The following ZDHHC21 variants were observed in gnomAD, a reference collection of about 807,000 sequenced individuals.
ZDHHC21 encodes zDHHC palmitoyltransferase 21.
Under a neutral mutation model 34.6 loss-of-function variants are expected in ZDHHC21, and 15 were observed. The ratio of observed to expected loss-of-function variants is 0.43; its 90% CI spans 0.29 to 0.67. The LOEUF is 0.67. ZDHHC21 is among the 30% of genes least tolerant of loss of function. ZDHHC21 has a pLI of 0.14. For missense variants in ZDHHC21, 344 were observed against 327.7 expected, an observed-to-expected ratio of 1.05 and a Z score of -0.38; for synonymous variants, 142 against 101.8, an observed-to-expected ratio of 1.40 and a Z score of -2.38.
downstream of ZDHHC21, among the ~76,000 whole-genome samples, chr9:14,607,365 C>T (rs1158643201): frequency 2.0e-5 from 3 of 152,120 alleles, no homozygotes; most frequent in African/African-American, 7.2e-5. Flanking sequence ...GATTGTGCCA[C>T]TGCACTCCAG....
chr9:14,661,882 C>T (rs965756891), intron 6 of ZDHHC21, among the ~76,000 whole-genome samples: 5 of 152,138 alleles, frequency 3.3e-5, no homozygotes, highest in Non-Finnish European at 7.4e-5. Context: ...GAAATAGCTA[C>T]CATTTAAGTA....
chr9:14,629,232 A>G (rs1826874259), intron 8 of ZDHHC21, among the ~76,000 whole-genome samples: 1 of 152,206 alleles, frequency 6.6e-6, no homozygotes, highest in African/African-American at 2.4e-5. Context: ...AAAGAGATGA[A>G]ACTTTTGGAG....
intron 9 of ZDHHC21, 136 bp from the exon 10 acceptor site, chr9:14,619,234 C>T: frequency 2.0e-6 from 2 of 978,136 alleles, no homozygotes; most frequent in East Asian, 5.7e-5. Flanking sequence ...TACAGCTTTT[C>T]TTTCATTATG....
rs76992025 is a variant in ZDHHC21, at chr9:14,672,734, G to T, written c.253+96C>A. The T allele has an allele frequency of 1.8e-3, 1,407 of 795,940 alleles. 20 individuals are homozygous for T. In the African/African-American group the frequency reaches 0.021, roughly 12 times the overall value. The allele number at this position is 795,940 out of a possible 1,614,324, so 49.3% of individuals were successfully genotyped here. A position where few individuals can be genotyped will look rare whatever the true frequency, so the allele number is the denominator to read the frequency against. On this transcript the variant is annotated intron_variant, in intron 5 of 9. Transcript: ENST00000380916. The stretch of plus-strand genomic sequence containing the variant: ...CAAAGACATCAAAGTGGTGTTAGAT[G>T]ACATTTATAACCAATATATATTAAA...
chr9:14,625,534 T>C (rs1300082930), intron 8 of ZDHHC21, among the ~76,000 whole-genome samples: 1 of 152,016 alleles, frequency 6.6e-6, no homozygotes, highest in East Asian at 1.9e-4. Context: ...CATTTCCAAA[T>C]AATAACGCTT....
the ZDHHC21 span, chr9:14,593,978 A>C: frequency 6.6e-6 from 1 of 152,218 alleles, no homozygotes; most frequent in Non-Finnish European, 1.5e-5. Context: ...AACAGGGCCT[A>C]GTTTCTGAAC....
Position 14,613,525 on chromosome 9 carries a change from G to A in ZDHHC21, c.*5441C>T, listed in dbSNP as rs956079294. 7.2e-5 allele frequency: 11 copies of A among 151,726 alleles called. No homozygotes were observed. The highest frequency in any genetic ancestry group is 2.4e-4 in the African/African-American group (10 of 41,386). The allele number at this position is 151,726 out of a possible 1,614,324, so 9.4% of individuals were successfully genotyped here. A position where few individuals can be genotyped will look rare whatever the true frequency, so the allele number is the denominator to read the frequency against. On this transcript the variant is annotated 3_prime_UTR_variant, in exon 10 of 10. Transcript: ENST00000380916. ...AACCCTGTATTTGGTCAAACAGGCAGGCAAAGCCACAAAAAAGCCCACAAC... is the reference window on the plus strand; with the variant it reads ...AACCCTGTATTTGGTCAAACAGGCAAGCAAAGCCACAAAAAAGCCCACAAC...
intron 8 of ZDHHC21, among the ~76,000 whole-genome samples, chr9:14,620,791 A>T (rs1825171653): frequency 1.3e-5 from 2 of 152,088 alleles, no homozygotes; most frequent in African/African-American, 4.8e-5. Flanking sequence ...TCTATTTTTA[A>T]GATAACTAAT....
In ZDHHC21 at chr9:14,616,528, G is replaced by A. The variant is rs1396823332; in HGVS notation, c.*2438C>T. ...GGCTATACTATTTACTTATGGGGCA[G>A]TAAATCTTTAGAGCCAGTATAATTA... is the stretch of plus-strand genomic sequence containing the variant. On this transcript the variant is annotated 3_prime_UTR_variant, in exon 10 of 10. Transcript: ENST00000380916. 1 of 151,734 alleles carries A rather than the reference G, an allele frequency of 6.6e-6. No individual in the cohort carries two copies. The highest frequency in any genetic ancestry group is 1.5e-5 in the Non-Finnish European group (1 of 67,782). The allele number at this position is 151,734 out of a possible 1,614,324, so 9.4% of individuals were successfully genotyped here. A position where few individuals can be genotyped will look rare whatever the true frequency, so the allele number is the denominator to read the frequency against.
intron 5 of ZDHHC21, among the ~76,000 whole-genome samples, chr9:14,665,389 G>C (rs910466683): frequency 7.0e-6 from 1 of 142,756 alleles, no homozygotes; most frequent in Non-Finnish European, 1.5e-5. Context: ...ACCTGAAAGT[G>C]ATGGGGAGAA....
chr9:14,673,129 A>T (rs1835777278), intron 4 of ZDHHC21, among the ~76,000 whole-genome samples: 1 of 152,056 alleles, frequency 6.6e-6, no homozygotes, highest in Non-Finnish European at 1.5e-5. Flanking sequence ...AATTTTAATC[A>T]TTACTAATTT....
At chr9:14,609,151 T>C (rs976869358), downstream of ZDHHC21, among the ~76,000 whole-genome samples, 1 of 142,536 alleles carries the variant, frequency 7.0e-6, no homozygotes, top group Non-Finnish European at 1.5e-5. Flanking sequence ...TGACAAGCCA[T>C]TTTCACTTAA....
intron 8 of ZDHHC21, among the ~76,000 whole-genome samples, chr9:14,631,133 G>A (rs1421159038): frequency 6.6e-6 from 1 of 152,184 alleles, no homozygotes; most frequent in Non-Finnish European, 1.5e-5. Context: ...TCCAATAGAA[G>A]GCTGTTTTGT....
Position 14,674,456 on chromosome 9 carries a change from CT to C in ZDHHC21, c.-45-72del, listed in dbSNP as rs112857758. ...TGACTAAAACCTGTATTTCTGGCAA[CT>C]TTTATAAAATGACATTGAGTTTTCT... On this transcript the variant is annotated intron_variant, in intron 3 of 9. Coordinates refer to ENST00000380916, the MANE Select transcript of ZDHHC21 (RefSeq NM_178566.6). 1,997 of 951,296 alleles carry C rather than the reference CT, an allele frequency of 2.1e-3. 27 individuals carry two copies. The African/African-American group carries it at 0.03, about 14-fold the overall frequency. 58.9% of individuals were successfully genotyped at this position (951,296 alleles called of 1,614,324 possible). A position where few individuals can be genotyped will look rare whatever the true frequency, so the allele number is the denominator to read the frequency against.
chr9:14,629,502 AG>A (rs1826931858), intron 8 of ZDHHC21, among the ~76,000 whole-genome samples: 1 of 152,210 alleles, frequency 6.6e-6, no homozygotes, highest in African/African-American at 2.4e-5. Flanking sequence ...TAAAGCCGGT[AG>A]CAAAAATTTT....
chr9:14,663,198 T>A (rs771642915), intron 5 of ZDHHC21, among the ~76,000 whole-genome samples: 1 of 152,196 alleles, frequency 6.6e-6, no homozygotes, highest in East Asian at 1.9e-4. Flanking sequence ...CAAAAATGTA[T>A]CTTTTAAATA....
chr9:14,643,485 T>C (rs1829758780), intron 7 of ZDHHC21, among the ~76,000 whole-genome samples: 2 of 152,202 alleles, frequency 1.3e-5, no homozygotes, highest in South Asian at 4.1e-4. Context: ...ATTCACTCTC[T>C]TGATGGCACC....
At chr9:14,637,200 G>A (rs550519654) in intron 8 of ZDHHC21, among the ~76,000 whole-genome samples, 67 of 151,908 alleles carry the variant, frequency 4.4e-4, no homozygotes, top group African/African-American at 1.6e-3. Flanking sequence ...AATAAAATCA[G>A]ACATGAAAAA....
chr9:14,594,221 A>G, the ZDHHC21 span: 1 of 152,212 alleles, frequency 6.6e-6, no homozygotes, highest in African/African-American at 2.4e-5. Flanking sequence ...TGAGGATGAA[A>G]TAATCCTAAA....
Sources: allele counts gnomAD v4.1 joint callset (sites outside exome capture counted in the v4.1 genomes callset), GRCh38; gene constraint gnomAD v4.1.1; transcripts MANE v1.5; gene names NCBI Gene and HGNC (gene_info 2026-07-23, HGNC 2026-07-21).